Variants in OR3A2 observed in about 807,000 individuals in gnomAD.
OR3A2 encodes the protein olfactory receptor 3A2.
For missense variants in OR3A2, 318 were observed against 392.8 expected (o/e 0.81, Z 1.61); for synonymous variants, 126 against 159.3 (o/e 0.79, Z 1.57).
chr17:3,324,397 G>T (rs484082), intron 3 of OR3A2, among the ~76,000 whole-genome samples: 61,592 of 151,792 alleles, frequency 0.41, 12,930 homozygotes, highest in Admixed American at 0.52. Flanking sequence ...TTCCATTGCT[G>T]GTGAGGAACT....
At chr17:3,308,658 G>C (rs2049016629) in intron 3 of OR3A2, among the ~76,000 whole-genome samples, 1 of 152,146 alleles carries the variant, frequency 6.6e-6, no homozygotes, top group Non-Finnish European at 1.5e-5. Context: ...CTGATTTGGA[G>C]AGACTGAGTT....
At chr17:3,339,499 G>A (rs1430747938) in intron 2 of OR3A2, among the ~76,000 whole-genome samples, 3 of 152,254 alleles carry the variant, frequency 2.0e-5, no homozygotes, top group East Asian at 3.9e-4. Context: ...GTTGAATTTT[G>A]TCAAAGGCCT....
At chr17:3,348,834 C>T (rs551110384) in intron 2 of OR3A2, among the ~76,000 whole-genome samples, 42 of 152,294 alleles carry the variant, frequency 2.8e-4, no homozygotes, top group African/African-American at 9.9e-4. Context: ...GCAGATCTCT[C>T]GGCAGAAACT....
At chr17:3,356,711 T>C (rs1453617534) in intron 2 of OR3A2, among the ~76,000 whole-genome samples, 1 of 151,510 alleles carries the variant, frequency 6.6e-6, no homozygotes, top group Non-Finnish European at 1.5e-5. Flanking sequence ...GAGGCAAATA[T>C]TGAAACTGAA....
At chr17:3,374,468 A>C (rs1027145740) in intron 2 of OR3A2, among the ~76,000 whole-genome samples, 1 of 152,148 alleles carries the variant, frequency 6.6e-6, no homozygotes, top group African/African-American at 2.4e-5. Context: ...ATAATCCCAA[A>C]TTTATTGGAG....
chr17:3,286,076 C>G (rs906379652), upstream of OR3A2, among the ~76,000 whole-genome samples: 4 of 152,160 alleles, frequency 2.6e-5, no homozygotes, highest in African/African-American at 9.7e-5. Context: ...GCCCCCCACC[C>G]CCCAAGAGGC....
chr17:3,381,846 T>C (rs967823516), intron 2 of OR3A2, among the ~76,000 whole-genome samples: 7 of 152,186 alleles, frequency 4.6e-5, no homozygotes, highest in Non-Finnish European at 8.8e-5. Context: ...CCAGGAAAGT[T>C]AGGACAAAAC....
At chr17:3,341,501 T>G (rs929070417) in intron 2 of OR3A2, among the ~76,000 whole-genome samples, 1 of 152,176 alleles carries the variant, frequency 6.6e-6, no homozygotes, top group African/African-American at 2.4e-5. Flanking sequence ...TGTAAAGGAT[T>G]TTATTTCTCC....
chr17:3,301,000 G>A (rs562774575), intron 3 of OR3A2, among the ~76,000 whole-genome samples: 22 of 152,202 alleles, frequency 1.4e-4, no homozygotes, highest in Non-Finnish European at 4.4e-5. Flanking sequence ...CTTCATCCCT[G>A]TCCTTACAAA....
intron 2 of OR3A2, among the ~76,000 whole-genome samples, chr17:3,336,997 A>G (rs2150645292): frequency 6.6e-6 from 1 of 152,280 alleles, no homozygotes; most frequent in South Asian, 2.1e-4. Context: ...GATTCACCCT[A>G]GGTGAGCTAT....
At chr17:3,364,691 C>G (rs1423870328) in intron 2 of OR3A2, among the ~76,000 whole-genome samples, 1 of 152,158 alleles carries the variant, frequency 6.6e-6, no homozygotes, top group Admixed American at 6.6e-5. Context: ...CATTTTGGAA[C>G]AGAAATTAAA....
At chr17:3,295,629 T>C (rs951271669) in intron 3 of OR3A2, among the ~76,000 whole-genome samples, 3 of 152,026 alleles carry the variant, frequency 2.0e-5, no homozygotes, top group Non-Finnish European at 4.4e-5. Flanking sequence ...CAAGCTCATC[T>C]AGTAAAAGAA....
At chr17:3,382,929 A>G (rs1297220638) in intron 2 of OR3A2, among the ~76,000 whole-genome samples, 1 of 152,188 alleles carries the variant, frequency 6.6e-6, no homozygotes, top group African/African-American at 2.4e-5. Flanking sequence ...CCCGGAACCC[A>G]GCACAATGCC....
At chr17:3,329,179 G>C (rs973414127) in intron 3 of OR3A2, among the ~76,000 whole-genome samples, 1 of 151,716 alleles carries the variant, frequency 6.6e-6, no homozygotes, top group Non-Finnish European at 1.5e-5. Context: ...TCTCTTTTTT[G>C]GTTGTGACTC....
chr17:3,289,213 T>C (rs1483252200), upstream of OR3A2, among the ~76,000 whole-genome samples: 3 of 152,254 alleles, frequency 2.0e-5, no homozygotes, highest in African/African-American at 7.2e-5. Flanking sequence ...AGGGTGGTGA[T>C]GTTCTGTACT....
Position 3,315,236 on chromosome 17 carries a change from G to A in OR3A2, c.-85+20797C>T, listed in dbSNP as rs796205444. On this transcript the variant is annotated intron_variant, in intron 3 of 4. Transcript: ENST00000573491. ...GACTGCTGGGTCAAATAATAGCTCTGTTTTAAGTTCTTTGAGAAATCTCCA... is the reference window on the plus strand; with the variant it reads ...GACTGCTGGGTCAAATAATAGCTCTATTTTAAGTTCTTTGAGAAATCTCCA... Among the ~76,000 whole-genome samples, 13 of 152,322 alleles carry A rather than the reference G, an allele frequency of 8.5e-5. 1 individual carries two copies. Among genetic ancestry groups the A allele is most frequent in the African/African-American group, 3.1e-4 (13 of 41,594 alleles).
intron 3 of OR3A2, among the ~76,000 whole-genome samples, chr17:3,334,679 T>A (rs1269084694): frequency 6.6e-6 from 1 of 152,232 alleles, no homozygotes; most frequent in African/African-American, 2.4e-5. Flanking sequence ...CAGAACTGGG[T>A]TAAATTTATA....
At chr17:3,324,276 G>A (rs2049151741) in intron 3 of OR3A2, among the ~76,000 whole-genome samples, 3 of 151,928 alleles carry the variant, frequency 2.0e-5, no homozygotes, top group Non-Finnish European at 2.9e-5. Context: ...TTTTTTCACA[G>A]TTTTTAACTT....
chr17:3,348,991 T>A (rs1029480863), intron 2 of OR3A2, among the ~76,000 whole-genome samples: 7 of 152,138 alleles, frequency 4.6e-5, no homozygotes, highest in African/African-American at 1.7e-4. Context: ...TGAGAGATTT[T>A]GTCGCCACCA....
Sources: allele counts gnomAD v4.1 joint callset (sites outside exome capture counted in the v4.1 genomes callset), GRCh38; gene constraint gnomAD v4.1.1; transcripts MANE v1.5; gene names NCBI Gene and HGNC (gene_info 2026-07-23, HGNC 2026-07-21).